Variants in PCDHGB1 observed in about 807,000 individuals in gnomAD.
PCDHGB1 encodes protocadherin gamma-B1.
Under a neutral mutation model 56.6 loss-of-function variants are expected in PCDHGB1, and 34 were observed. The ratio of observed to expected loss-of-function variants is 0.60; its 90% CI spans 0.46 to 0.80. The LOEUF (loss-of-function observed/expected upper bound fraction) is 0.80, where lower values mean the gene tolerates loss of function less well. PCDHGB1 is among the 30% of genes least tolerant of loss of function. The probability of loss-of-function intolerance (pLI) is 0.00; values close to 1 mark genes in which losing one functional copy is unlikely to be tolerated. For synonymous variants in PCDHGB1, 561 were observed against 505.9 expected, an observed-to-expected ratio of 1.11 and a Z score of -1.46; for missense variants, 1,278 against 1,204.6, an observed-to-expected ratio of 1.06 and a Z score of -0.90.
At chr5:141,500,185 TTTA>T (rs549090582) in intron 2 of PCDHGB1, among the ~76,000 whole-genome samples, 1 of 55,104 alleles carries the variant, frequency 1.8e-5, no homozygotes, top group Non-Finnish European at 3.2e-5. Flanking sequence ...CATTTTTATT[TTTA>T]TTTATTTATT....
intron 1 of PCDHGB1, among the ~76,000 whole-genome samples, chr5:141,463,177 A>G (rs914982793): frequency 2.6e-5 from 4 of 152,250 alleles, no homozygotes; most frequent in Admixed American, 2.6e-4. Context: ...ATGTATGCTC[A>G]GATTATTATT....
intron 1 of PCDHGB1, chr5:141,372,116 C>T: frequency 6.2e-7 from 1 of 1,613,806 alleles, no homozygotes; most frequent in Non-Finnish European, 8.5e-7. Context: ...GCTCTGCGCT[C>T]TTCGATATGG....
In PCDHGB1 at chr5:141,388,074, C is replaced by T. The variant is rs770542956; in HGVS notation, c.2409+35405C>T. 1.6e-5 allele frequency: 22 copies of T among 1,363,892 alleles called. No homozygotes were observed. In the South Asian group the frequency reaches 2.8e-4, roughly 17 times the overall value. 84.5% of individuals were successfully genotyped at this position (1,363,892 alleles called of 1,614,324 possible). On this transcript the variant is annotated intron_variant, in intron 1 of 3. Transcript: ENST00000523390. ...GTTCAGCGTCCAGGAGTTACCGACT[C>T]GAAAACTGCGCGTCAGTTCGGAGAA...
intron 1 of PCDHGB1, chr5:141,355,796 C>G: frequency 1.2e-6 from 2 of 1,613,556 alleles, no homozygotes; most frequent in Non-Finnish European, 1.7e-6. Context: ...CTGGAACGCG[C>G]TCTAGATCGC....
At chr5:141,356,643 T>G in intron 1 of PCDHGB1, 1 of 1,614,154 alleles carries the variant, frequency 6.2e-7, no homozygotes, top group Non-Finnish European at 8.5e-7. Context: ...ACCCTGACAG[T>G]GGTGACAATG....
At position 141,490,054 on chromosome 5, in the gene PCDHGB1, G is replaced by A. The variant is rs2099695440; in HGVS notation, c.2410-4753G>A. The A allele has an allele frequency of 6.2e-7, 1 of 1,614,104 alleles. No individual in the cohort carries two copies. The highest frequency in any genetic ancestry group is 1.3e-5 in the African/African-American group (1 of 74,944). ...CCTCAATGCCACTGATCCAGACGAG[G>A]GCACCAACGGCCAACTAGACTATTC... On this transcript the variant is annotated intron_variant, in intron 1 of 3. Transcript: ENST00000523390. This position sits in a 1 kb window ranked among gnomAD's most constrained non-coding sequence, Gnocchi z 5.4.
At chr5:141,508,535 C>CA (rs1426956469) in intron 3 of PCDHGB1, among the ~76,000 whole-genome samples, 1 of 152,172 alleles carries the variant, frequency 6.6e-6, no homozygotes, top group Admixed American at 6.5e-5. Flanking sequence ...GGGCACCCCC[C>CA]ACGAGGTGGG....
At chr5:141,375,107 G>A in intron 1 of PCDHGB1, 1 of 1,613,962 alleles carries the variant, frequency 6.2e-7, no homozygotes, top group South Asian at 1.1e-5. Flanking sequence ...GGATGTCAAT[G>A]ATAATGTACC....
At position 141,352,204 on chromosome 5, in the gene PCDHGB1, G is replaced by A. The variant is rs778821722; in HGVS notation, c.1944G>A (p.Pro648=). Residue 648 remains proline (P), a synonymous_variant, in exon 1 of 4, where the codon CCG becomes CCA. Coordinates refer to ENST00000523390, the MANE Select transcript of PCDHGB1 (RefSeq NM_018922.3). The stretch of plus-strand genomic sequence containing the variant: ...TCGCTGTGCGTGATGGAGGACAGCC[G>A]CCACTCTCCGCCACCGCCACGCTGC... ...LLVAVRDGGQ[P]PLSATATLHL... 6 of 1,614,036 alleles carry A rather than the reference G, an allele frequency of 3.7e-6. No individual in the cohort carries two copies. The highest frequency in any genetic ancestry group is 1.1e-5 in the South Asian group (1 of 91,088).
At chr5:141,402,458 T>C (rs886690950) in intron 1 of PCDHGB1, among the ~76,000 whole-genome samples, 2 of 152,178 alleles carry the variant, frequency 1.3e-5, no homozygotes, top group Non-Finnish European at 2.9e-5. Flanking sequence ...ATAGTTTACA[T>C]ATCTAGAAAT....
intron 1 of PCDHGB1, chr5:141,404,268 C>A (rs1334326806): frequency 1.2e-6 from 2 of 1,613,860 alleles, no homozygotes; most frequent in African/African-American, 2.7e-5. Context: ...ATTCACATCA[C>A]CCTGCAAGTG....
intron 1 of PCDHGB1, chr5:141,398,074 T>A: frequency 6.3e-7 from 1 of 1,590,802 alleles, no homozygotes; most frequent in Non-Finnish European, 8.6e-7. Context: ...ATACAGAGGT[T>A]ATTTGTAACC....
At chr5:141,509,275 G>A (rs185255724) in intron 3 of PCDHGB1, among the ~76,000 whole-genome samples, 1 of 152,096 alleles carries the variant, frequency 6.6e-6, no homozygotes, top group East Asian at 1.9e-4. Flanking sequence ...CTCGCTACCC[G>A]CTCCCAGGGT....
intron 1 of PCDHGB1, among the ~76,000 whole-genome samples, chr5:141,492,108 C>T (rs1331001233): frequency 2.6e-5 from 4 of 152,232 alleles, no homozygotes; most frequent in African/African-American, 9.6e-5. Flanking sequence ...TAGATTTCCT[C>T]TTCGATTTCT....
chr5:141,477,031 A>G lies in PCDHGB1; in HGVS notation c.2410-17776A>G. 2 of 1,614,248 alleles carry G rather than the reference A, an allele frequency of 1.2e-6. No homozygotes were observed. The highest frequency in any genetic ancestry group is 2.2e-5 in the East Asian group (1 of 44,880). On this transcript the variant is annotated intron_variant, in intron 1 of 3. Transcript: ENST00000523390. This position sits in a 1 kb window ranked among gnomAD's most constrained non-coding sequence, Gnocchi z 4.9. ...TAGACCTTGTAACCGGGATGCTGAC[A>G]ATCAAGGGTCGGCTGGACTTCGAGG...
intron 1 of PCDHGB1, chr5:141,374,211 C>T (rs748746691): frequency 6.2e-6 from 10 of 1,613,954 alleles, no homozygotes; most frequent in Non-Finnish European, 8.5e-6. Context: ...GAGAAAGGCT[C>T]CTTCGTAGGC....
chr5:141,388,913 A>C, intron 1 of PCDHGB1: 1 of 1,614,040 alleles, frequency 6.2e-7, no homozygotes, highest in Non-Finnish European at 8.5e-7. Flanking sequence ...ACAACGCCCC[A>C]GAAGTGATAT....
chr5:141,362,571 A>G (rs751216494), intron 1 of PCDHGB1: 2 of 1,606,352 alleles, frequency 1.2e-6, no homozygotes, highest in Non-Finnish European at 1.7e-6. Flanking sequence ...GCTTTAATTA[A>G]TTTATTTTCA....
At chr5:141,453,185 C>T (rs2098757478) in intron 1 of PCDHGB1, among the ~76,000 whole-genome samples, 1 of 152,146 alleles carries the variant, frequency 6.6e-6, no homozygotes, top group South Asian at 2.1e-4. Flanking sequence ...ACAATCACAG[C>T]TCACTGCAGC....
Sources: gnomAD v4.1 joint callset for allele counts (sites outside exome capture counted in the v4.1 genomes callset) on GRCh38, gnomAD v4.1.1 for gene constraint, Gnocchi (gnomAD v3.1) non-coding constraint, MANE v1.5 for transcripts, NCBI Gene and HGNC (gene_info 2026-07-23, HGNC 2026-07-21) for gene names.